The following SMYD3 variants were observed in gnomAD, a reference collection of about 807,000 sequenced individuals.
The protein encoded by SMYD3 is histone-lysine N-methyltransferase SMYD3.
Under a neutral mutation model 57.7 loss-of-function variants are expected in SMYD3, and 36 were observed. The ratio of observed to expected loss-of-function variants is 0.62; its 90% CI spans 0.48 to 0.82. The LOEUF is 0.82. Among genes scored for constraint, SMYD3 ranks in the 40% least tolerant of loss-of-function variants. The pLI, the probability that SMYD3 is intolerant of heterozygous loss-of-function variation, is 0.00. For missense variants in SMYD3, 515 were observed against 538.8 expected, an observed-to-expected ratio of 0.96 and a Z score of 0.44; for synonymous variants, 211 against 195.0, an observed-to-expected ratio of 1.08 and a Z score of -0.68.
intron 10 of SMYD3, among the ~76,000 whole-genome samples, chr1:245,852,071 T>C (rs2051003939): frequency 6.6e-6 from 1 of 152,244 alleles, no homozygotes; most frequent in Non-Finnish European, 1.5e-5. Flanking sequence ...TATGTGAAGC[T>C]GCCAGATCAC....
chr1:246,473,705 AGAG>A (rs1197259605), intron 1 of SMYD3, among the ~76,000 whole-genome samples: 1 of 152,226 alleles, frequency 6.6e-6, no homozygotes, highest in Admixed American at 6.5e-5. Context: ...TTACAGTATA[AGAG>A]AAGAGGCGGA....
At chr1:246,298,444 A>G (rs998475765) in intron 5 of SMYD3, among the ~76,000 whole-genome samples, 3 of 152,150 alleles carry the variant, frequency 2.0e-5, no homozygotes, top group Non-Finnish European at 4.4e-5. Flanking sequence ...TGTAAAAGAA[A>G]GCTGAATATA....
chr1:246,407,584 G>A (rs116725468), intron 1 of SMYD3, among the ~76,000 whole-genome samples: 3,914 of 152,282 alleles, frequency 0.026, 113 homozygotes, highest in African/African-American at 0.073. Flanking sequence ...GCTCGTGCCC[G>A]TAATCCCAGC....
chr1:246,275,950 G>C (rs1394226845), intron 5 of SMYD3, among the ~76,000 whole-genome samples: 2 of 149,608 alleles, frequency 1.3e-5, no homozygotes, highest in South Asian at 2.1e-4. Context: ...TTTTTCACTA[G>C]TCGTATTAAC....
In SMYD3 at chr1:245,915,569, G is replaced by A. The variant is rs753310553; in HGVS notation, c.774C>T (p.Cys258=). ...GGCAACGGAAACAGTCACATTCAAA[G>A]CAGTACTGGTCCCTCAGCTGCTTCC... ...ERRKQLRDQY[C]FECDCFRCQT... is the part of the protein sequence containing the mutation. The change falls in exon 8 of 12, where the codon TGC becomes TGT. Residue 258 remains cysteine (C), a synonymous_variant. Coordinates refer to ENST00000490107, the MANE Select transcript of SMYD3 (RefSeq NM_001167740.2). The A allele has an allele frequency of 7.4e-6, 12 of 1,613,824 alleles. No homozygotes were observed. The African/African-American group carries it at 1.6e-4, about 22-fold the overall frequency.
chr1:246,478,251 G>T (rs533371922), intron 1 of SMYD3, among the ~76,000 whole-genome samples: 1 of 152,338 alleles, frequency 6.6e-6, no homozygotes, highest in South Asian at 2.1e-4. Context: ...CTGCATCTTT[G>T]GACAGTCACC....
intron 5 of SMYD3, among the ~76,000 whole-genome samples, chr1:246,255,430 G>A (rs1288534289): frequency 6.6e-6 from 1 of 151,850 alleles, no homozygotes; most frequent in Non-Finnish European, 1.5e-5. Flanking sequence ...ATCCATTGGG[G>A]ATGATCATAT....
chr1:246,492,160 A>C (rs184932594), intron 1 of SMYD3, among the ~76,000 whole-genome samples: 39 of 152,208 alleles, frequency 2.6e-4, no homozygotes, highest in Non-Finnish European at 4.6e-4. Flanking sequence ...TAATATTTAA[A>C]ATCTATATTT....
intron 8 of SMYD3, among the ~76,000 whole-genome samples, chr1:245,897,073 A>C (rs1299778870): frequency 6.6e-6 from 1 of 152,256 alleles, no homozygotes; most frequent in Non-Finnish European, 1.5e-5. Context: ...TAGAATACCC[A>C]AAGAGATGAA....
chr1:245,998,804 A>C (rs2058981355), intron 5 of SMYD3, among the ~76,000 whole-genome samples: 1 of 152,206 alleles, frequency 6.6e-6, no homozygotes, highest in South Asian at 2.1e-4. Flanking sequence ...GACAGAAAAT[A>C]ATATTTTGCC....
intron 5 of SMYD3, among the ~76,000 whole-genome samples, chr1:246,246,176 T>C (rs988196523): frequency 1.3e-5 from 2 of 152,160 alleles, no homozygotes; most frequent in East Asian, 1.9e-4. Context: ...ACAGCTAAAG[T>C]TGACATTCAA....
chr1:246,153,055 C>T (rs541336090), intron 5 of SMYD3, among the ~76,000 whole-genome samples: 1 of 152,296 alleles, frequency 6.6e-6, no homozygotes, highest in Admixed American at 6.5e-5. Flanking sequence ...GCATGGGGCC[C>T]AGAACCGTAT....
intron 1 of SMYD3, among the ~76,000 whole-genome samples, chr1:246,394,397 C>G (rs1175959716): frequency 6.6e-6 from 1 of 152,234 alleles, no homozygotes; most frequent in Non-Finnish European, 1.5e-5. Context: ...ACTGCACACA[C>G]AAGATCCTGA....
In SMYD3 at chr1:246,202,354, T is replaced by C. The variant is rs1253832361; in HGVS notation, c.531+124847A>G. ...CATGACCACCTTTACATTTTTCATATCTGACCGCCCTATCATTGGCCTATG... is the reference window on the plus strand; with the variant it reads ...CATGACCACCTTTACATTTTTCATACCTGACCGCCCTATCATTGGCCTATG... On this transcript the variant is annotated intron_variant, in intron 5 of 11. Coordinates refer to ENST00000490107, the MANE Select transcript of SMYD3 (RefSeq NM_001167740.2). The surrounding 1 kb of genome is among the most constrained non-coding windows in gnomAD (Gnocchi z 4.1). Among the ~76,000 whole-genome samples, 1 of 152,232 alleles carries C rather than the reference T, an allele frequency of 6.6e-6. No individual in the cohort carries two copies. Among genetic ancestry groups the C allele is most frequent in the African/African-American group, 2.4e-5 (1 of 41,458 alleles).
intron 8 of SMYD3, among the ~76,000 whole-genome samples, chr1:245,908,156 G>A (rs2054709499): frequency 6.6e-6 from 1 of 151,848 alleles, no homozygotes; most frequent in Admixed American, 6.6e-5. Flanking sequence ...GTGAAGGGAT[G>A]ACAAACAATA....
intron 2 of SMYD3, among the ~76,000 whole-genome samples, chr1:246,353,807 G>C (rs2065870022): frequency 6.6e-6 from 1 of 152,136 alleles, no homozygotes; most frequent in South Asian, 2.1e-4. Context: ...GAATAATACA[G>C]TGCCTGGCAC....
At chr1:246,099,934 A>C (rs1227715900) in intron 5 of SMYD3, among the ~76,000 whole-genome samples, 6 of 152,224 alleles carry the variant, frequency 3.9e-5, no homozygotes, top group Non-Finnish European at 5.9e-5. Context: ...CTCCGTGCCA[A>C]AGGAAAAACT....
chr1:246,153,960 T>A (rs2061982402), intron 5 of SMYD3, among the ~76,000 whole-genome samples: 1 of 152,216 alleles, frequency 6.6e-6, no homozygotes, highest in African/African-American at 2.4e-5. Context: ...CTACCCTTGC[T>A]TTGGGTGGGT....
chr1:245,877,555 G>A (rs1049306951), intron 8 of SMYD3, among the ~76,000 whole-genome samples: 16 of 152,208 alleles, frequency 1.1e-4, no homozygotes, highest in Non-Finnish European at 2.1e-4. Flanking sequence ...GAATAAGGCC[G>A]TGCCTTAGCA....
Sources: gnomAD v4.1 joint callset for allele counts (sites outside exome capture counted in the v4.1 genomes callset) on GRCh38, gnomAD v4.1.1 for gene constraint, Gnocchi (gnomAD v3.1) non-coding constraint, MANE v1.5 for transcripts, NCBI Gene and HGNC (gene_info 2026-07-23, HGNC 2026-07-21) for gene names.